Variants in KAZN observed in about 807,000 individuals in gnomAD.
KAZN encodes kazrin.
KAZN carries 40 observed loss-of-function variants against 87.4 expected under a neutral mutation model. The observed-to-expected ratio is 0.46, with a 90% CI of 0.36 to 0.60. The LOEUF is 0.60. KAZN is among the 20% of genes least tolerant of loss of function. The pLI is 0.00. For synonymous variants in KAZN, 466 were observed against 458.3 expected (o/e 1.02, Z -0.22); for missense variants, 898 against 1,073.9 (o/e 0.84, Z 2.29).
chr1:14,374,786 T>G (rs1338593161), intron 2 of KAZN, among the ~76,000 whole-genome samples: 1 of 152,160 alleles, frequency 6.6e-6, no homozygotes, highest in Non-Finnish European at 1.5e-5. Flanking sequence ...TCACGCTCCC[T>G]GTACTGCAGG....
In KAZN at chr1:14,793,680, C is replaced by T. The variant is rs1025252646; in HGVS notation, c.227-167004C>T. Among the ~76,000 whole-genome samples, 6 of 152,260 alleles carry T rather than the reference C, an allele frequency of 3.9e-5. No individual in the cohort carries two copies. The East Asian group carries it at 5.8e-4, about 15-fold the overall frequency. ...TTCTTCCTGCTCAGAGCTTTCCTTA[C>T]GCTCTGTGACTTGAGACAGATCAGA... is the stretch of plus-strand genomic sequence containing the variant. On this transcript the variant is annotated intron_variant, in intron 1 of 14. Transcript: ENST00000376030.
chr1:14,475,897 G>T (rs753659443), intron 2 of KAZN, among the ~76,000 whole-genome samples: 1 of 152,070 alleles, frequency 6.6e-6, no homozygotes, highest in African/African-American at 2.4e-5. Flanking sequence ...CCTTCGGAAG[G>T]TTACTTGTCA....
intron 2 of KAZN, among the ~76,000 whole-genome samples, chr1:14,238,396 A>G (rs1047903713): frequency 3.3e-5 from 5 of 152,208 alleles, no homozygotes; most frequent in African/African-American, 2.4e-5. Context: ...ACAGACTGTC[A>G]TTATTAGCTG....
chr1:14,686,436 A>C (rs1017580416), intron 1 of KAZN, among the ~76,000 whole-genome samples: 3 of 152,238 alleles, frequency 2.0e-5, no homozygotes, highest in Non-Finnish European at 4.4e-5. Context: ...GAGGGATTCA[A>C]GGCAGATATA....
intron 1 of KAZN, among the ~76,000 whole-genome samples, chr1:14,807,528 G>A (rs1002217422): frequency 3.3e-5 from 5 of 152,114 alleles, no homozygotes; most frequent in African/African-American, 1.2e-4. Flanking sequence ...CAGCCCTTTG[G>A]GAGGCCAAAG....
At chr1:14,563,874 C>CTTTTTTTTT (rs540880203) in intron 2 of KAZN, among the ~76,000 whole-genome samples, 9 of 97,936 alleles carry the variant, frequency 9.2e-5, no homozygotes, top group East Asian at 4.5e-4. Flanking sequence ...GTTCAAACTC[C>CTTTTTTTTT]TTTTTTTTTT....
chr1:14,914,976 A>C (rs933491308), intron 1 of KAZN, among the ~76,000 whole-genome samples: 1 of 152,168 alleles, frequency 6.6e-6, no homozygotes, highest in Non-Finnish European at 1.5e-5. Context: ...GGATCACCTG[A>C]GGTCAGGAGT....
intron 2 of KAZN, among the ~76,000 whole-genome samples, chr1:14,453,884 T>C (rs890935425): frequency 6.6e-6 from 1 of 151,866 alleles, no homozygotes. Flanking sequence ...TCCAAGAATA[T>C]AAATGGGGGT....
intron 1 of KAZN, among the ~76,000 whole-genome samples, chr1:14,866,818 C>T (rs1347763168): frequency 6.6e-6 from 1 of 152,184 alleles, no homozygotes. Flanking sequence ...CTTCCAAGAC[C>T]TTGGGCCTCA....
At chr1:15,006,570 C>T (rs1054522128) in intron 2 of KAZN, among the ~76,000 whole-genome samples, 1 of 152,160 alleles carries the variant, frequency 6.6e-6, no homozygotes, top group Non-Finnish European at 1.5e-5. Context: ...TCATTCATGC[C>T]GCACATATTT....
At chr1:14,244,999 C>T (rs757877986) in intron 2 of KAZN, among the ~76,000 whole-genome samples, 17 of 151,982 alleles carry the variant, frequency 1.1e-4, no homozygotes, top group Non-Finnish European at 2.1e-4. Flanking sequence ...CTTGCTCTGT[C>T]ACCCAGGCTG....
At chr1:14,676,669 C>T (rs1372996503) in intron 1 of KAZN, among the ~76,000 whole-genome samples, 2 of 152,110 alleles carry the variant, frequency 1.3e-5, no homozygotes, top group African/African-American at 4.8e-5. Flanking sequence ...ACCTTGAAAA[C>T]ATCATGCTAA....
At position 14,335,188 on chromosome 1, in the gene KAZN, G is replaced by A. The variant is rs183627661; in HGVS notation, c.249+154596G>A. On this transcript the variant is annotated intron_variant, in intron 2 of 16. Coordinates refer to the KAZN transcript ENST00000636203. ...AATAACTGGTTGCTTAAAGGAGGCC[G>A]GCATGTCCTCCTTTCTTTTTTTTTT... 8.0e-4 allele frequency among the ~76,000 whole-genome samples: 120 copies of A among 149,518 alleles called. 1 individual carries two copies. The highest frequency in any genetic ancestry group is 1.2e-3 in the Non-Finnish European group (83 of 67,510).
At chr1:13,962,725 G>T (rs61699359) in intron 1 of KAZN, among the ~76,000 whole-genome samples, 13,801 of 151,974 alleles carry the variant, frequency 0.091, 949 homozygotes, top group East Asian at 0.4. Flanking sequence ...GCCTGGCTAA[G>T]TTTTGTATTT....
In KAZN at chr1:14,266,172, T is replaced by A. The variant is rs530226306; in HGVS notation, c.249+85580T>A. Among the ~76,000 whole-genome samples, 7 of 152,338 alleles carry A rather than the reference T, an allele frequency of 4.6e-5. No homozygotes were observed. In the East Asian group the frequency reaches 1.4e-3, roughly 29 times the overall value. On this transcript the variant is annotated intron_variant, in intron 2 of 16. Transcript: ENST00000636203. ...TAATAAATTGTTATAACTCTATGTG[T>A]CTTTACCTGTGTCTGGATGGCACTT... is the stretch of plus-strand genomic sequence containing the variant.
intron 2 of KAZN, among the ~76,000 whole-genome samples, chr1:14,585,222 C>T (rs963419950): frequency 1.9e-4 from 29 of 152,282 alleles, no homozygotes; most frequent in Middle Eastern, 6.8e-3. Context: ...GTCGGTGGTT[C>T]TTGGTTATGG....
intron 1 of KAZN, among the ~76,000 whole-genome samples, chr1:14,633,063 C>T (rs1296619533): frequency 1.3e-5 from 2 of 152,080 alleles, no homozygotes; most frequent in African/African-American, 4.8e-5. Context: ...ATTACAGGCA[C>T]CTGCCATCGT....
intron 2 of KAZN, among the ~76,000 whole-genome samples, chr1:14,968,608 G>A (rs1156588899): frequency 1.3e-5 from 2 of 152,272 alleles, no homozygotes; most frequent in African/African-American, 4.8e-5. Flanking sequence ...CTTTAGAAAC[G>A]CCTGCAGGGC....
chr1:14,771,120 G>C (rs1645007546), intron 1 of KAZN, among the ~76,000 whole-genome samples: 1 of 152,190 alleles, frequency 6.6e-6, no homozygotes, highest in African/African-American at 2.4e-5. Context: ...ATGATTCGCT[G>C]TGATCATTGC....
Sources: gnomAD v4.1 joint callset for allele counts (sites outside exome capture counted in the v4.1 genomes callset) on GRCh38, gnomAD v4.1.1 for gene constraint, MANE v1.5 for transcripts, NCBI Gene and HGNC (gene_info 2026-07-23, HGNC 2026-07-21) for gene names.